The following HDAC4 variants were observed in gnomAD, a reference collection of about 807,000 sequenced individuals.
HDAC4 encodes histone deacetylase 4.
In HDAC4, 16 loss-of-function variants were observed where a neutral mutation model predicts 135.1. The observed-to-expected ratio is 0.12, with a 90% CI of 0.08 to 0.18. The LOEUF is 0.18. Among genes scored for constraint, HDAC4 ranks in the 10% least tolerant of loss-of-function variants. HDAC4 has a pLI of 1.00. For synonymous variants in HDAC4, 685 were observed against 653.4 expected (o/e 1.05, Z -0.74); for missense variants, 1,143 against 1,511.8 (o/e 0.76, Z 4.05).
intron 9 of HDAC4, among the ~76,000 whole-genome samples, chr2:239,135,580 C>G (rs998715248): frequency 2.0e-5 from 3 of 152,236 alleles, no homozygotes; most frequent in Non-Finnish European, 2.9e-5. Context: ...GGCACCCTTT[C>G]TGCAGGACAA....
intron 14 of HDAC4, among the ~76,000 whole-genome samples, chr2:239,110,379 G>C (rs2038562034): frequency 6.6e-6 from 1 of 152,238 alleles, no homozygotes; most frequent in African/African-American, 2.4e-5. Flanking sequence ...GGGTGGGCCA[G>C]CTTAGTGGGA....
chr2:239,234,678 C>T (rs3791625), intron 3 of HDAC4, among the ~76,000 whole-genome samples: 2,036 of 152,324 alleles, frequency 0.013, 126 homozygotes, highest in Admixed American at 0.098. Flanking sequence ...CTCGCCTAAG[C>T]TCCCACGCAA....
In HDAC4 at chr2:239,306,797, G is replaced by A. The variant is rs975043007; in HGVS notation, c.22+45881C>T. On this transcript the variant is annotated intron_variant, in intron 2 of 26. Coordinates refer to ENST00000543185, the MANE Select transcript of HDAC4 (RefSeq NM_001378414.1). This position sits in a 1 kb window ranked among gnomAD's most constrained non-coding sequence, Gnocchi z 4.5. ...GGACCCCACCCCAGCCAACAACCGG[G>A]AGACCCTGGCCTGGTTTCCCACACA... Among the ~76,000 whole-genome samples, 26 of 152,214 alleles carry A rather than the reference G, an allele frequency of 1.7e-4. No individual in the cohort carries two copies. The highest frequency in any genetic ancestry group is 3.3e-4 in the Admixed American group (5 of 15,302).
intron 15 of HDAC4, among the ~76,000 whole-genome samples, chr2:239,104,854 G>C (rs73092861): frequency 0.069 from 10,494 of 152,344 alleles, 1,227 homozygotes; most frequent in African/African-American, 0.24. Flanking sequence ...GTTAGAATAA[G>C]GCAAAGAAGA....
intron 16 of HDAC4, among the ~76,000 whole-genome samples, chr2:239,097,127 C>T (rs1469057485): frequency 1.3e-5 from 2 of 152,346 alleles, no homozygotes; most frequent in African/African-American, 2.4e-5. Flanking sequence ...CCTACGTGCT[C>T]GGAGGAGCCA....
At chr2:239,173,751 A>G (rs2043593299) in intron 5 of HDAC4, among the ~76,000 whole-genome samples, 1 of 152,240 alleles carries the variant, frequency 6.6e-6, no homozygotes, top group African/African-American at 2.4e-5. Context: ...ACAGGATTCT[A>G]AATGTTGAAA....
chr2:239,136,508 G>A (rs778502203), intron 9 of HDAC4, among the ~76,000 whole-genome samples: 7 of 152,286 alleles, frequency 4.6e-5, no homozygotes, highest in Non-Finnish European at 5.9e-5. Context: ...GACCTCAAAA[G>A]CACAGGCAAC....
At chr2:239,152,033 G>A (rs1165635975) in intron 7 of HDAC4, among the ~76,000 whole-genome samples, 2 of 152,216 alleles carry the variant, frequency 1.3e-5, no homozygotes, top group Non-Finnish European at 2.9e-5. Context: ...GCAGTCACAT[G>A]AGGGGAAAAT....
intron 2 of HDAC4, among the ~76,000 whole-genome samples, chr2:239,340,527 G>A (rs779376783): frequency 2.0e-5 from 3 of 152,150 alleles, no homozygotes; most frequent in Non-Finnish European, 2.9e-5. Flanking sequence ...GTACTCCATC[G>A]GTGCTGCTGC....
intron 24 of HDAC4, among the ~76,000 whole-genome samples, chr2:239,059,489 G>A (rs1298213819): frequency 6.6e-6 from 1 of 152,192 alleles, no homozygotes; most frequent in African/African-American, 2.4e-5. Context: ...TACAGGCAGA[G>A]CAGAGACGTG....
intron 1 of HDAC4, among the ~76,000 whole-genome samples, chr2:239,399,232 T>C (rs1696773666): frequency 6.6e-6 from 1 of 152,242 alleles, no homozygotes; most frequent in South Asian, 2.1e-4. Flanking sequence ...CAAAACTCCA[T>C]TCTGATGAAA....
At chr2:239,231,657 T>C (rs1216301100) in intron 3 of HDAC4, among the ~76,000 whole-genome samples, 1 of 70,852 alleles carries the variant, frequency 1.4e-5, no homozygotes, top group Non-Finnish European at 3.4e-5. Context: ...ACCCCTCTCC[T>C]CAACCGAGGC....
intron 2 of HDAC4, among the ~76,000 whole-genome samples, chr2:239,327,094 T>A (rs191691189): frequency 2.0e-5 from 3 of 152,312 alleles, no homozygotes; most frequent in African/African-American, 7.2e-5. Flanking sequence ...GCTGAACAAA[T>A]GTTTCAGAAT....
chr2:239,225,536 C>T (rs2047189417), intron 3 of HDAC4, among the ~76,000 whole-genome samples: 1 of 152,212 alleles, frequency 6.6e-6, no homozygotes, highest in Non-Finnish European at 1.5e-5. Context: ...ATGAGAAACA[C>T]CTGGATGGAG....
At position 239,082,279 on chromosome 2, in the gene HDAC4, CCT is replaced by C. The variant is rs1309259206; in HGVS notation, c.2533-60_2533-59del. 8.1e-6 allele frequency: 13 copies of C among 1,610,256 alleles called. No individual in the cohort carries two copies. The East Asian group carries it at 1.8e-4, about 22-fold the overall frequency. ...AGGCAGGTATTGGAGGGTGGCCTCC[CCT>C]GAGGGCCGTCCCCAACCCCAGTTGT... On this transcript the variant is annotated intron_variant, in intron 20 of 26. Transcript: ENST00000543185.
intron 24 of HDAC4, chr2:239,055,093 G>C (rs940258796): frequency 1.4e-5 from 6 of 416,426 alleles, no homozygotes; most frequent in Non-Finnish European, 2.7e-5. Flanking sequence ...CAGTCCCCAG[G>C]AGTGGGGCTG....
chr2:239,120,338 C>T (rs920476793), intron 12 of HDAC4, among the ~76,000 whole-genome samples: 17 of 151,856 alleles, frequency 1.1e-4, no homozygotes, highest in Non-Finnish European at 1.6e-4. Context: ...GCCACAGAGG[C>T]TCACATACAG....
chr2:239,305,326 C>A (rs1232590420), intron 2 of HDAC4: 2 of 152,658 alleles, frequency 1.3e-5, no homozygotes, highest in African/African-American at 4.8e-5. Context: ...CACCTTCACC[C>A]TCGTTACATT....
chr2:239,375,071 G>A (rs768926593), intron 1 of HDAC4, among the ~76,000 whole-genome samples: 41 of 152,208 alleles, frequency 2.7e-4, no homozygotes, highest in Admixed American at 6.5e-5. Context: ...AAGGGCAGCC[G>A]CAGGGGTCTG....
Sources: gnomAD v4.1 joint callset for allele counts (sites outside exome capture counted in the v4.1 genomes callset) on GRCh38, gnomAD v4.1.1 for gene constraint, Gnocchi (gnomAD v3.1) non-coding constraint, MANE v1.5 for transcripts, NCBI Gene and HGNC (gene_info 2026-07-23, HGNC 2026-07-21) for gene names.